AGXT2: variants seen among roughly 807,000 people sequenced by gnomAD.
AGXT2 encodes the protein alanine--glyoxylate aminotransferase 2, also known as alanine--glyoxylate aminotransferase 2, mitochondrial.
In AGXT2, 61 loss-of-function variants were observed where a neutral mutation model predicts 62.5. The observed-to-expected ratio is 0.98, with a 90% CI of 0.79 to 1.21. The LOEUF is 1.21. Among genes scored for constraint, AGXT2 ranks in the 50% most tolerant of loss-of-function variants. The pLI is 0.00. For synonymous variants in AGXT2, 243 were observed against 218.7 expected (o/e 1.11, Z -0.98); for missense variants, 666 against 641.5 (o/e 1.04, Z -0.41).
intron 9 of AGXT2, among the ~76,000 whole-genome samples, chr5:35,015,374 A>G (rs549121612): frequency 1.3e-5 from 2 of 152,322 alleles, no homozygotes; most frequent in South Asian, 2.1e-4. Context: ...ATAAAGCCAT[A>G]CAAACTTCTC....
intron 3 of AGXT2, among the ~76,000 whole-genome samples, chr5:35,037,722 G>T (rs1268460751): frequency 6.6e-6 from 1 of 152,144 alleles, no homozygotes; most frequent in East Asian, 1.9e-4. Flanking sequence ...TGACTAAGAT[G>T]AACAGTTTTT....
Position 35,035,321 on chromosome 5 carries a change from A to G in AGXT2, c.487-5T>C, listed in dbSNP as rs1449884310. On this transcript the variant is annotated splice_polypyrimidine_tract_variant and splice_region_variant and intron_variant, in intron 4 of 13. Coordinates refer to ENST00000231420, the MANE Select transcript of AGXT2 (RefSeq NM_031900.4). ...ACTGTTCACCAAGAAAATGACCTGG[A>G]GAGGAAAGGAAGACACGTGGCCTCA... 6.2e-7 allele frequency: 1 copy of G among 1,612,790 alleles called. No homozygotes were observed. The highest frequency in any genetic ancestry group is 2.2e-5 in the East Asian group (1 of 44,878).
intron 9 of AGXT2, 130 bp downstream of exon 9, chr5:35,025,633 A>C (rs1231383989): frequency 1.1e-6 from 1 of 912,692 alleles, no homozygotes; most frequent in Admixed American, 2.0e-5. Flanking sequence ...AATTTCATTC[A>C]TTTGTAGGCA....
At chr5:35,032,358 A>G (rs163899) in intron 7 of AGXT2, among the ~76,000 whole-genome samples, 142,727 of 152,242 alleles carry the variant, frequency 0.94, 67,385 homozygotes, top group Non-Finnish European at 1. Flanking sequence ...CTCCCGAGTA[A>G]CTGGGACTAC....
At chr5:35,014,146 G>A in intron 9 of AGXT2, 27 bp from the exon 10 acceptor site, 1 of 1,613,842 alleles carries the variant, frequency 6.2e-7, no homozygotes, top group Non-Finnish European at 8.5e-7. Context: ...AAAACCATTG[G>A]AAACCCTTCA....
rs550054806 is a variant in AGXT2, at chr5:35,002,782, G to GC, written c.1437+980_1437+981insG. 3.7e-4 allele frequency among the ~76,000 whole-genome samples: 57 copies of GC among 152,120 alleles called. No homozygotes were observed. In the South Asian group the frequency reaches 0.011, roughly 28 times the overall value. ...GCGCTTTGTGATAGCAGGCTGGGGG[G>GC]GGGGACTAACACGGGAGGAAAGAAT... On this transcript the variant is annotated intron_variant, in intron 13 of 13. Transcript: ENST00000231420.
chr5:35,011,916 AC>A (rs1216941734), intron 11 of AGXT2, among the ~76,000 whole-genome samples: 3 of 11,176 alleles, frequency 2.7e-4, no homozygotes, highest in Admixed American at 2.3e-3. Context: ...TGTGGTGTAT[AC>A]ACACACACAC....
intron 12 of AGXT2, among the ~76,000 whole-genome samples, chr5:35,005,824 G>A (rs954131149): frequency 6.6e-6 from 1 of 151,788 alleles, no homozygotes; most frequent in Non-Finnish European, 1.5e-5. Context: ...GGACCATCGT[G>A]TTTATCTCTT....
intron 13 of AGXT2, among the ~76,000 whole-genome samples, chr5:35,002,552 G>A (rs1766267136): frequency 6.6e-6 from 1 of 152,206 alleles, no homozygotes; most frequent in Non-Finnish European, 1.5e-5. Flanking sequence ...CCTTTGGGAA[G>A]TGATTAGCTC....
intron 11 of AGXT2, chr5:35,012,622 C>T (rs1232551123): frequency 3.0e-6 from 1 of 328,374 alleles, no homozygotes; most frequent in African/African-American, 2.1e-5. Flanking sequence ...AAGAGAAGGC[C>T]AACATGAAAC....
At chr5:35,002,748 C>T (rs976260285) in intron 13 of AGXT2, among the ~76,000 whole-genome samples, 4 of 150,546 alleles carry the variant, frequency 2.7e-5, no homozygotes, top group African/African-American at 4.9e-5. Context: ...ATAAGCCACC[C>T]AGGCTATGGC....
chr5:35,017,001 C>T (rs1288821247), intron 9 of AGXT2, among the ~76,000 whole-genome samples: 3 of 152,074 alleles, frequency 2.0e-5, no homozygotes, highest in African/African-American at 7.2e-5. Flanking sequence ...CCAATATGGG[C>T]CCAGAGGTTT....
intron 7 of AGXT2, among the ~76,000 whole-genome samples, chr5:35,030,315 C>T (rs905446987): frequency 2.6e-5 from 4 of 152,192 alleles, no homozygotes; most frequent in African/African-American, 9.7e-5. Flanking sequence ...CGAGACCAGC[C>T]TGGCCAACAT....
chr5:35,047,949 T>G lies in AGXT2; in HGVS notation c.-57A>C, dbSNP rs1768322071. On this transcript the variant is annotated 5_prime_UTR_variant, in exon 1 of 14. Transcript: ENST00000231420. ...AGCAGATTGGAGGCCGGGCTCTAAC[T>G]GCTCACTATCCTGCTGGACTTTGAG... is the stretch of plus-strand genomic sequence containing the variant. 2 of 1,610,508 alleles carry G rather than the reference T, an allele frequency of 1.2e-6. No individual in the cohort carries two copies. Among genetic ancestry groups the G allele is most frequent in the Admixed American group, 3.4e-5 (2 of 59,622 alleles).
At chr5:35,008,123 A>G (rs1040085692) in intron 12 of AGXT2, among the ~76,000 whole-genome samples, 2 of 152,178 alleles carry the variant, frequency 1.3e-5, no homozygotes, top group African/African-American at 2.4e-5. Context: ...TTCTTGATAA[A>G]TTGCCCAGCC....
At chr5:35,002,157 C>A (rs541233674) in intron 13 of AGXT2, among the ~76,000 whole-genome samples, 2 of 152,162 alleles carry the variant, frequency 1.3e-5, no homozygotes, top group South Asian at 2.1e-4. Flanking sequence ...GATTCATAAT[C>A]ATTAAATTAT....
chr5:35,035,039 GC>G (rs1767709598), intron 5 of AGXT2, among the ~76,000 whole-genome samples, 182 bp downstream of exon 5: 1 of 152,110 alleles, frequency 6.6e-6, no homozygotes, highest in Non-Finnish European at 1.5e-5. Context: ...CTTGTATCAG[GC>G]CAACTTGAAT....
At chr5:35,013,179 G>A (rs1434821453) in intron 10 of AGXT2, 134 bp from the exon 11 acceptor site, 11 of 802,886 alleles carry the variant, frequency 1.4e-5, no homozygotes, top group African/African-American at 3.4e-5. Flanking sequence ...TCAACTGATA[G>A]TAGATGTTAG....
At chr5:35,043,991 C>T (rs1014322959) in intron 1 of AGXT2, among the ~76,000 whole-genome samples, 2 of 152,084 alleles carry the variant, frequency 1.3e-5, no homozygotes, top group Non-Finnish European at 2.9e-5. Flanking sequence ...TAAGCCTGGC[C>T]CAAAATGCCA....
Sources: gnomAD v4.1 joint callset for allele counts (sites outside exome capture counted in the v4.1 genomes callset) on GRCh38, gnomAD v4.1.1 for gene constraint, MANE v1.5 for transcripts, NCBI Gene and HGNC (gene_info 2026-07-23, HGNC 2026-07-21) for gene names.